Variants in PTPRU observed in about 807,000 individuals in gnomAD.
PTPRU encodes the protein protein tyrosine phosphatase receptor type U.
Under a neutral mutation model 166.3 loss-of-function variants are expected in PTPRU, and 69 were observed. The observed-to-expected ratio is 0.41, with a 90% CI of 0.34 to 0.51. The LOEUF is 0.51. Ranked by LOEUF, PTPRU falls within the 20% of genes least tolerant of loss-of-function variation. PTPRU has a pLI of 0.09. For missense variants in PTPRU, 1,657 were observed against 2,013.7 expected (o/e 0.82, Z 3.39); for synonymous variants, 793 against 814.0 (o/e 0.97, Z 0.44).
At position 29,323,358 on chromosome 1, in the gene PTPRU, TG is replaced by T. The variant is rs753427923; in HGVS notation, c.3829-12del. ...GCTCTACTCAGCTCTCCCCTCTCCG[TG>T]CTTATGCCCAGCCCTGCCTGCAGTA... On this transcript the variant is annotated splice_polypyrimidine_tract_variant and intron_variant, in intron 26 of 29. Coordinates refer to ENST00000373779, the MANE Select transcript of PTPRU (RefSeq NM_133178.4). The T allele has an allele frequency of 6.2e-7, 1 of 1,603,874 alleles. No homozygotes were observed. The highest frequency in any genetic ancestry group is 8.5e-7 in the Non-Finnish European group (1 of 1,175,584).
At chr1:29,283,214 C>T (rs866202785) in intron 12 of PTPRU, among the ~76,000 whole-genome samples, 5 of 150,720 alleles carry the variant, frequency 3.3e-5, no homozygotes, top group African/African-American at 1.2e-4. Flanking sequence ...TTTTGCCCAC[C>T]TCCCATTGCC....
rs1194227288 is a variant in PTPRU at position 29,271,253 on chromosome 1, C to A, written c.1145-4195C>A. Among the ~76,000 whole-genome samples the A allele has an allele frequency of 2.0e-5, 3 of 152,108 alleles. No homozygotes were observed. Among genetic ancestry groups the A allele is most frequent in the Non-Finnish European group, 2.9e-5 (2 of 68,030 alleles). On this transcript the variant is annotated intron_variant, in intron 7 of 29. Transcript: ENST00000373779. This position sits in a 1 kb window ranked among gnomAD's most constrained non-coding sequence, Gnocchi z 4.4. ...AGGTCCCCAAGTTCTGTTTTGTCAG[C>A]GTGTGTTGACAGTTGAAGAGAGTGT...
intron 1 of PTPRU, among the ~76,000 whole-genome samples, chr1:29,249,490 G>A (rs868844280): frequency 2.0e-5 from 3 of 152,382 alleles, no homozygotes; most frequent in South Asian, 4.1e-4. Context: ...GGAGGCCTCT[G>A]TAGAGATGGG....
At chr1:29,267,145 G>C (rs1436095014) in intron 7 of PTPRU, among the ~76,000 whole-genome samples, 1 of 152,170 alleles carries the variant, frequency 6.6e-6, no homozygotes, top group East Asian at 1.9e-4. Context: ...CAGGAGGATT[G>C]CTGGAGCCCA....
intron 8 of PTPRU, 24 bp downstream of exon 8, chr1:29,275,780 C>CG: frequency 6.2e-7 from 1 of 1,607,176 alleles, no homozygotes; most frequent in Non-Finnish European, 8.5e-7. Flanking sequence ...TCCCAATTCC[C>CG]GGGGCCCTGT....
At chr1:29,251,969 C>G (rs944499758) in intron 1 of PTPRU, among the ~76,000 whole-genome samples, 3 of 152,238 alleles carry the variant, frequency 2.0e-5, no homozygotes, top group African/African-American at 4.8e-5. Flanking sequence ...TTCTTTCTCT[C>G]TGCTGCACTG....
chr1:29,283,200 C>G (rs1297726143), intron 12 of PTPRU, among the ~76,000 whole-genome samples: 2 of 149,860 alleles, frequency 1.3e-5, no homozygotes, highest in Admixed American at 1.3e-4. Flanking sequence ...ATAGCCCTGC[C>G]TCCTTTTGCC....
intron 8 of PTPRU, among the ~76,000 whole-genome samples, chr1:29,278,350 A>G (rs1218975403): frequency 1.3e-5 from 2 of 152,158 alleles, no homozygotes; most frequent in Non-Finnish European, 2.9e-5. Flanking sequence ...ATAGTGGTTT[A>G]TCAAGGTATT....
At chr1:29,246,135 G>A (rs968480682) in intron 1 of PTPRU, among the ~76,000 whole-genome samples, 1 of 152,262 alleles carries the variant, frequency 6.6e-6, no homozygotes, top group African/African-American at 2.4e-5. Context: ...TACCAACAGT[G>A]CACTTTGCCC....
At chr1:29,287,663 C>G (rs1379492546) in intron 14 of PTPRU, among the ~76,000 whole-genome samples, 1 of 150,918 alleles carries the variant, frequency 6.6e-6, no homozygotes, top group African/African-American at 2.4e-5. Context: ...GGCGCGATCT[C>G]AGCTCACTGC....
rs1303052739 is a variant in PTPRU at position 29,237,847 on chromosome 1, TGGCCGGGCCGCGGCTGCGCCCCGGGC to T, written c.73+1139_73+1164del. Among the ~76,000 whole-genome samples the T allele has an allele frequency of 7.0e-6, 1 of 143,690 alleles. No individual in the cohort carries two copies. Among genetic ancestry groups the T allele is most frequent in the Non-Finnish European group, 1.5e-5 (1 of 64,988 alleles). 94.3% of individuals were successfully genotyped at this position (143,690 alleles called of 152,430 possible). On this transcript the variant is annotated intron_variant, in intron 1 of 29. Coordinates refer to ENST00000373779, the MANE Select transcript of PTPRU (RefSeq NM_133178.4). This position sits in a 1 kb window ranked among gnomAD's most constrained non-coding sequence, Gnocchi z 6.4. ...GCCGGACCGGCGGGCGCTCCTGCGG[TGGCCGGGCCGCGGCTGCGCCCCGGGC>T]GGCCGGGCGGGGGCTGTCCCCGGGC...
chr1:29,275,047 CAAAAAAA>C (rs1423464895), intron 7 of PTPRU, among the ~76,000 whole-genome samples: 1 of 64,526 alleles, frequency 1.5e-5, no homozygotes. Context: ...GAGCCTCTGT[CAAAAAAA>C]AAAAAAAAAA....
Position 29,317,802 on chromosome 1 carries a change from T to C in PTPRU, c.3568T>C (p.Leu1190=). ...CGTGGAGGAGTGCAGCATCGCCCTG[T>C]TGCCCCGGAACCGCGACAAGAACCG... The part of the protein sequence containing the change: ...LDVEECSIAL[L]PRNRDKNRSM... Residue 1190 remains leucine (L), a synonymous_variant, in exon 25 of 30, where the codon TTG becomes CTG. Transcript: ENST00000373779. This position sits in a 1 kb window ranked among gnomAD's most constrained non-coding sequence, Gnocchi z 5.6. The C allele has an allele frequency of 6.2e-7, 1 of 1,613,200 alleles. No homozygotes were observed. Among genetic ancestry groups the C allele is most frequent in the Non-Finnish European group, 8.5e-7 (1 of 1,180,026 alleles).
At position 29,260,833 on chromosome 1, in the gene PTPRU, G is replaced by C. The variant is rs1405678043; in HGVS notation, c.1074G>C (p.Leu358=). 1 of 1,610,470 alleles carries C rather than the reference G, an allele frequency of 6.2e-7. No homozygotes were observed. The highest frequency in any genetic ancestry group is 8.5e-7 in the Non-Finnish European group (1 of 1,178,922). The change falls in exon 7 of 30, where the codon CTG becomes CTC. Residue 358 remains leucine (L), a synonymous_variant. Transcript: ENST00000373779. The surrounding 1 kb of genome is among the most constrained non-coding windows in gnomAD (Gnocchi z 8.3). The part of the protein sequence containing the change: ...DPDTEYEISV[L]LTRPGDGGTG... ...ACACAGAGTATGAGATCAGCGTGCT[G>C]CTCACGCGTCCCGGAGACGGCGGCA...
chr1:29,275,419 T>A (rs1685747649), intron 7 of PTPRU, 29 bp from the exon 8 acceptor site: 1 of 1,572,276 alleles, frequency 6.4e-7, no homozygotes, highest in Non-Finnish European at 8.7e-7. Flanking sequence ...TTCTTCTAAC[T>A]TCTTCTCTCT....
rs1220757455 is a variant in PTPRU at position 29,237,117 on chromosome 1, G to T, written c.73+400G>T. ...CATTTGTTTGCATTTTGTATGCCTGGCCGGGAGTGCTGTTTGTTTTGTGTC... is the reference window on the plus strand; with the variant it reads ...CATTTGTTTGCATTTTGTATGCCTGTCCGGGAGTGCTGTTTGTTTTGTGTC... On this transcript the variant is annotated intron_variant, in intron 1 of 29. Transcript: ENST00000373779. This position sits in a 1 kb window ranked among gnomAD's most constrained non-coding sequence, Gnocchi z 6.4. Among the ~76,000 whole-genome samples the T allele has an allele frequency of 6.6e-6, 1 of 152,118 alleles. No individual in the cohort carries two copies. The highest frequency in any genetic ancestry group is 2.4e-5 in the African/African-American group (1 of 41,414).
intron 1 of PTPRU, among the ~76,000 whole-genome samples, chr1:29,241,306 C>T (rs1684043421): frequency 6.6e-6 from 1 of 152,064 alleles, no homozygotes; most frequent in Non-Finnish European, 1.5e-5. Flanking sequence ...GGTGTGCAGA[C>T]AGAGGCTATC....
intron 14 of PTPRU, among the ~76,000 whole-genome samples, chr1:29,290,245 C>T (rs1686564070): frequency 6.6e-6 from 1 of 152,212 alleles, no homozygotes. Context: ...TGCAGACCCA[C>T]CATTTCCTGG....
At chr1:29,308,367 G>T (rs1687494141) in intron 18 of PTPRU, among the ~76,000 whole-genome samples, 1 of 149,940 alleles carries the variant, frequency 6.7e-6, no homozygotes, top group Admixed American at 6.6e-5. Context: ...CCAGGAGTTC[G>T]AGATCAGCGT....
Sources: allele counts gnomAD v4.1 joint callset (sites outside exome capture counted in the v4.1 genomes callset), GRCh38; gene constraint gnomAD v4.1.1; non-coding constraint Gnocchi (gnomAD v3.1); transcripts MANE v1.5; gene names NCBI Gene and HGNC (gene_info 2026-07-23, HGNC 2026-07-21).